The following LDLRAD3 variants were observed in gnomAD, a reference collection of about 807,000 sequenced individuals.
LDLRAD3 encodes the protein low density lipoprotein receptor class A domain containing 3.
LDLRAD3 carries 20 observed loss-of-function variants against 29.4 expected under a neutral mutation model. The observed-to-expected ratio is 0.68, with a 90% CI of 0.48 to 0.99. The LOEUF is 0.99. Among genes scored for constraint, LDLRAD3 ranks in the 50% least tolerant of loss-of-function variants. The pLI, the probability that LDLRAD3 is intolerant of heterozygous loss-of-function variation, is 0.00. For synonymous variants in LDLRAD3, 157 were observed against 192.7 expected (o/e 0.81, Z 1.53); for missense variants, 420 against 454.3 (o/e 0.92, Z 0.69).
chr11:36,062,014 T>G (rs190557346), intron 2 of LDLRAD3, among the ~76,000 whole-genome samples: 19 of 151,900 alleles, frequency 1.3e-4, no homozygotes, highest in Admixed American at 1.2e-3. Context: ...TAATAAAAAC[T>G]CTTAGCCTTA....
intron 1 of LDLRAD3, among the ~76,000 whole-genome samples, chr11:35,982,091 G>A (rs1260171910): frequency 1.3e-5 from 2 of 152,160 alleles, no homozygotes; most frequent in Admixed American, 1.3e-4. Flanking sequence ...TGGAGTGGGT[G>A]TAACAAAGTA....
intron 1 of LDLRAD3, among the ~76,000 whole-genome samples, chr11:35,995,872 C>G (rs1357633626): frequency 6.6e-6 from 1 of 152,204 alleles, no homozygotes; most frequent in Non-Finnish European, 1.5e-5. Flanking sequence ...AGCTTTCTCA[C>G]CTCGTTAGCA....
intron 4 of LDLRAD3, among the ~76,000 whole-genome samples, chr11:36,191,421 C>T (rs1854940327): frequency 6.6e-6 from 1 of 151,514 alleles, no homozygotes; most frequent in Non-Finnish European, 1.5e-5. Flanking sequence ...TGCTCGCTTA[C>T]AATCCCAGCT....
chr11:36,100,887 T>C (rs1317929180), intron 4 of LDLRAD3, among the ~76,000 whole-genome samples: 2 of 152,210 alleles, frequency 1.3e-5, no homozygotes, highest in Non-Finnish European at 2.9e-5. Flanking sequence ...TCCCAGTATT[T>C]TACTGAAGCA....
chr11:36,163,242 AT>A (rs1301897348), intron 4 of LDLRAD3: 2 of 152,258 alleles, frequency 1.3e-5, no homozygotes, highest in Non-Finnish European at 2.9e-5. Context: ...CTTGCCTGTA[AT>A]TGGTAGATGG....
intron 4 of LDLRAD3, among the ~76,000 whole-genome samples, chr11:36,175,000 G>GA (rs1284547765): frequency 1.3e-5 from 2 of 151,806 alleles, no homozygotes; most frequent in Admixed American, 6.6e-5. Context: ...GAAAAGAAAA[G>GA]AAAAAAAGAA....
intron 1 of LDLRAD3, among the ~76,000 whole-genome samples, chr11:35,957,812 AAAAG>A (rs373995785): frequency 0.3 from 36,531 of 123,780 alleles, 4,823 homozygotes; most frequent in East Asian, 0.42. Context: ...AAAAAAAAAA[AAAAG>A]AAAAGAAAAG....
At chr11:36,058,455 C>T (rs1301242226) in intron 2 of LDLRAD3, among the ~76,000 whole-genome samples, 3 of 152,204 alleles carry the variant, frequency 2.0e-5, no homozygotes, top group Non-Finnish European at 4.4e-5. Context: ...GCTTGCATCC[C>T]TGGCATCGGG....
chr11:36,096,611 A>G (rs1344354253), intron 3 of LDLRAD3, among the ~76,000 whole-genome samples: 1 of 152,258 alleles, frequency 6.6e-6, no homozygotes, highest in Non-Finnish European at 1.5e-5. Flanking sequence ...CAGACTGGGC[A>G]CTGTACATTT....
intron 2 of LDLRAD3, among the ~76,000 whole-genome samples, chr11:36,067,707 G>T (rs1449336438): frequency 6.6e-6 from 1 of 152,174 alleles, no homozygotes; most frequent in Non-Finnish European, 1.5e-5. Context: ...ATCTTGCTCT[G>T]TCACCCACGC....
intron 1 of LDLRAD3, among the ~76,000 whole-genome samples, chr11:35,995,726 C>T (rs987695772): frequency 2.6e-5 from 4 of 152,240 alleles, no homozygotes; most frequent in Non-Finnish European, 5.9e-5. Context: ...TCTTAGCTAT[C>T]TAGATCTTTT....
At chr11:35,991,681 C>T (rs569666147) in intron 1 of LDLRAD3, among the ~76,000 whole-genome samples, 1 of 152,160 alleles carries the variant, frequency 6.6e-6, no homozygotes, top group Non-Finnish European at 1.5e-5. Context: ...TGTCACAGAT[C>T]TCTGCAGAGC....
intron 4 of LDLRAD3, among the ~76,000 whole-genome samples, chr11:36,166,156 T>C (rs552160414): frequency 3.2e-4 from 48 of 152,218 alleles, no homozygotes; most frequent in Non-Finnish European, 5.7e-4. Flanking sequence ...TGGCAGAAGG[T>C]CAAAATCTGA....
intron 1 of LDLRAD3, among the ~76,000 whole-genome samples, chr11:36,004,322 G>GA (rs1272841402): frequency 2.0e-5 from 3 of 152,134 alleles, no homozygotes; most frequent in Admixed American, 6.5e-5. Flanking sequence ...GAAATTGGCT[G>GA]AAAAAATGGG....
chr11:36,062,941 A>G (rs1189971202), intron 2 of LDLRAD3, among the ~76,000 whole-genome samples: 1 of 152,210 alleles, frequency 6.6e-6, no homozygotes, highest in African/African-American at 2.4e-5. Context: ...ATAGCAGGGA[A>G]GAAATGTAAC....
chr11:36,048,626 A>G lies in LDLRAD3; in HGVS notation c.193+12377A>G, dbSNP rs1852486450. On this transcript the variant is annotated intron_variant, in intron 2 of 5. Transcript: ENST00000315571. ...AGTGACTAAATCCCCCAGTTCTTAG[A>G]ACGTTTGTTTCATTATTTAGTTAAG... Among the ~76,000 whole-genome samples, 3 of 152,176 alleles carry G rather than the reference A, an allele frequency of 2.0e-5. 1 individual carries two copies. In the South Asian group the frequency reaches 6.2e-4, roughly 32 times the overall value.
intron 2 of LDLRAD3, among the ~76,000 whole-genome samples, chr11:36,060,407 C>T (rs1272037095): frequency 1.3e-5 from 2 of 151,382 alleles, no homozygotes; most frequent in Non-Finnish European, 2.9e-5. Flanking sequence ...ATCATGTAGC[C>T]ATGTAGCTAG....
At chr11:36,176,656 C>G (rs6484822) in intron 4 of LDLRAD3, among the ~76,000 whole-genome samples, 3 of 152,170 alleles carry the variant, frequency 2.0e-5, no homozygotes, top group Admixed American at 6.5e-5. Flanking sequence ...CCCTTCTAGC[C>G]TGCAGGGTTT....
intron 2 of LDLRAD3, among the ~76,000 whole-genome samples, chr11:36,075,448 G>A (rs1852981644): frequency 6.6e-6 from 1 of 152,146 alleles, no homozygotes; most frequent in Non-Finnish European, 1.5e-5. Context: ...TCTCATTACT[G>A]ATGATGTTGA....
Sources: allele counts gnomAD v4.1 joint callset (sites outside exome capture counted in the v4.1 genomes callset), GRCh38; gene constraint gnomAD v4.1.1; transcripts MANE v1.5; gene names NCBI Gene and HGNC (gene_info 2026-07-23, HGNC 2026-07-21).